DPYSL3: variants seen among roughly 807,000 people sequenced by gnomAD.
DPYSL3 encodes dihydropyrimidinase-related protein 3.
In DPYSL3, 16 loss-of-function variants were observed where a neutral mutation model predicts 66.1. The ratio of observed to expected loss-of-function variants is 0.24; its 90% CI spans 0.16 to 0.37. The LOEUF is 0.37. Ranked by LOEUF, DPYSL3 falls within the 10% of genes least tolerant of loss-of-function variation. DPYSL3 has a pLI of 1.00. For synonymous variants in DPYSL3, 338 were observed against 345.1 expected (o/e 0.98, Z 0.23); for missense variants, 738 against 916.2 (o/e 0.81, Z 2.51).
intron 1 of DPYSL3, among the ~76,000 whole-genome samples, chr5:147,438,169 T>C (rs188507424): frequency 3.3e-5 from 5 of 152,296 alleles, no homozygotes; most frequent in Middle Eastern, 3.4e-3. Flanking sequence ...CAGGCTTCCA[T>C]CTGTCTGTCT....
chr5:147,486,172 A>G (rs1753326614), intron 1 of DPYSL3, among the ~76,000 whole-genome samples: 1 of 152,210 alleles, frequency 6.6e-6, no homozygotes, highest in African/African-American at 2.4e-5. Flanking sequence ...AAGAAAGCAG[A>G]TTAGTGAATG....
chr5:147,413,581 C>T lies in DPYSL3; in HGVS notation c.882+15G>A. 1.2e-6 allele frequency: 2 copies of T among 1,607,106 alleles called. No homozygotes were observed. The highest frequency in any genetic ancestry group is 1.7e-6 in the Non-Finnish European group (2 of 1,174,260). Reference sequence around the variant, plus strand: ...CATCCAGATACCCCAAACCACATAGCAAATGGGTTGTTACCTCTGTGTTAG... The same window carrying T: ...CATCCAGATACCCCAAACCACATAGTAAATGGGTTGTTACCTCTGTGTTAG... On this transcript the variant is annotated intron_variant, in intron 5 of 13. Transcript: ENST00000343218.
intron 1 of DPYSL3, among the ~76,000 whole-genome samples, chr5:147,433,844 C>T (rs538578847): frequency 1.4e-4 from 21 of 152,076 alleles, no homozygotes; most frequent in East Asian, 1.9e-4. Context: ...CCATCCTGGC[C>T]AACATGGTGA....
intron 1 of DPYSL3, among the ~76,000 whole-genome samples, chr5:147,493,753 A>G (rs1294920823): frequency 6.6e-6 from 1 of 152,224 alleles, no homozygotes; most frequent in Non-Finnish European, 1.5e-5. Context: ...CTGTTCAACA[A>G]GAGAAGTAAC....
rs542554625 is a variant in DPYSL3, at chr5:147,472,442, C to G, written c.381+37036G>C. On this transcript the variant is annotated intron_variant, in intron 1 of 13. Transcript: ENST00000343218. Reference sequence around the variant, plus strand: ...AATTGACCCTAAGCAATTCACTTAACCTCTTTTCATTTCTTCAGTGGAGAA... The same window carrying G: ...AATTGACCCTAAGCAATTCACTTAAGCTCTTTTCATTTCTTCAGTGGAGAA... Among the ~76,000 whole-genome samples, 8 of 152,260 alleles carry G rather than the reference C, an allele frequency of 5.3e-5. No homozygotes were observed. The East Asian group carries it at 1.2e-3, about 22-fold the overall frequency.
At chr5:147,468,048 G>C (rs1190125371) in intron 1 of DPYSL3, among the ~76,000 whole-genome samples, 3 of 152,106 alleles carry the variant, frequency 2.0e-5, no homozygotes, top group African/African-American at 7.2e-5. Context: ...TGAATTTTAG[G>C]CTCCAAAATA....
chr5:147,508,095 G>A (rs1561809431), intron 1 of DPYSL3, among the ~76,000 whole-genome samples: 1 of 152,180 alleles, frequency 6.6e-6, no homozygotes, highest in African/African-American at 2.4e-5. Flanking sequence ...TCCCTAAAAC[G>A]TTGGTAAGCA....
At chr5:147,428,104 G>A (rs1026952502) in intron 1 of DPYSL3, among the ~76,000 whole-genome samples, 15 of 152,176 alleles carry the variant, frequency 9.9e-5, no homozygotes, top group African/African-American at 3.1e-4. Flanking sequence ...TAACACCATT[G>A]AGATGGTGTC....
Position 147,415,776 on chromosome 5 carries a change from C to A in DPYSL3, c.753G>T (p.Leu251=). 1.2e-6 allele frequency: 2 copies of A among 1,614,070 alleles called. No individual in the cohort carries two copies. The highest frequency in any genetic ancestry group is 1.7e-6 in the Non-Finnish European group (2 of 1,179,996). The change falls in exon 4 of 14, where the codon CTG becomes CTT. Residue 251 remains leucine (L), a synonymous_variant. Transcript: ENST00000343218. Reference sequence around the variant, plus strand: ...CATTCCAGTGGGTGATGTCCACATGCAGGGCATAGTCACAGCAACTCTTCC... The same window carrying A: ...CATTCCAGTGGGTGATGTCCACATGAAGGGCATAGTCACAGCAACTCTTCC... ...ADGKSCCDYA[L]HVDITHWNDS... is the part of the protein sequence containing the mutation.
At chr5:147,489,914 G>A (rs1052286817) in intron 1 of DPYSL3, among the ~76,000 whole-genome samples, 17 of 151,778 alleles carry the variant, frequency 1.1e-4, no homozygotes, top group Non-Finnish European at 1.8e-4. Context: ...AGTGCACAAC[G>A]TAGTAGGACT....
intron 1 of DPYSL3, among the ~76,000 whole-genome samples, chr5:147,495,279 A>G (rs929239091): frequency 6.6e-6 from 1 of 152,202 alleles, no homozygotes; most frequent in African/African-American, 2.4e-5. Flanking sequence ...TGACAAACCC[A>G]CAGCCAATAT....
At chr5:147,413,486 A>T (rs533858476) in intron 5 of DPYSL3, 110 bp downstream of exon 5, 20 of 816,968 alleles carry the variant, frequency 2.4e-5, no homozygotes, top group Non-Finnish European at 4.1e-5. Flanking sequence ...ATTCTGGCCC[A>T]GTGGTCTCCC....
At chr5:147,445,750 C>T (rs1009593062) in intron 1 of DPYSL3, among the ~76,000 whole-genome samples, 1 of 152,000 alleles carries the variant, frequency 6.6e-6, no homozygotes, top group Non-Finnish European at 1.5e-5. Context: ...GTTTGTTTGG[C>T]CAGTCTAGAT....
At chr5:147,503,751 AC>A (rs1329517709) in intron 1 of DPYSL3, among the ~76,000 whole-genome samples, 1 of 152,232 alleles carries the variant, frequency 6.6e-6, no homozygotes, top group African/African-American at 2.4e-5. Context: ...TACTATAGGG[AC>A]CATTTGGTCT....
intron 1 of DPYSL3, among the ~76,000 whole-genome samples, chr5:147,442,962 C>A (rs1752562044): frequency 6.6e-6 from 1 of 152,170 alleles, no homozygotes; most frequent in Admixed American, 6.5e-5. Context: ...TTTTCTACAA[C>A]CAGCATACTT....
chr5:147,408,223 T>G (rs1371913130), intron 7 of DPYSL3, among the ~76,000 whole-genome samples: 4 of 152,170 alleles, frequency 2.6e-5, no homozygotes, highest in African/African-American at 7.2e-5. Context: ...CTCGGAGACA[T>G]GGAACCAGCC....
intron 3 of DPYSL3, among the ~76,000 whole-genome samples, chr5:147,417,031 C>T (rs1751984562): frequency 1.3e-5 from 2 of 152,198 alleles, no homozygotes; most frequent in African/African-American, 4.8e-5. Flanking sequence ...TACAGCCAAA[C>T]TCTAACAGCG....
At chr5:147,446,891 G>A (rs996011910) in intron 1 of DPYSL3, among the ~76,000 whole-genome samples, 3 of 152,226 alleles carry the variant, frequency 2.0e-5, no homozygotes, top group Admixed American at 6.5e-5. Flanking sequence ...ACATTTAGGA[G>A]CTAACAGGTG....
Position 147,412,124 on chromosome 5 carries a change from A to G in DPYSL3, c.963+484T>C, listed in dbSNP as rs910011700. ...CGTCACTCTTTCCTCAAGTTTCTCA[A>G]TATGATTTCTAGGAATCCAGTGAGA... is the stretch of plus-strand genomic sequence containing the variant. On this transcript the variant is annotated intron_variant, in intron 6 of 13. Transcript: ENST00000343218. 7.9e-5 allele frequency among the ~76,000 whole-genome samples: 12 copies of G among 152,182 alleles called. No homozygotes were observed. The East Asian group carries it at 2.3e-3, about 29-fold the overall frequency.
Sources: allele counts gnomAD v4.1 joint callset (sites outside exome capture counted in the v4.1 genomes callset), GRCh38; gene constraint gnomAD v4.1.1; transcripts MANE v1.5; gene names NCBI Gene and HGNC (gene_info 2026-07-23, HGNC 2026-07-21).